Variants in PTPRC observed in about 807,000 individuals in gnomAD.
PTPRC encodes receptor-type tyrosine-protein phosphatase C.
PTPRC carries 44 observed loss-of-function variants against 155.9 expected under a neutral mutation model. That is an observed-to-expected ratio of 0.28 (90% CI 0.22 to 0.36). The LOEUF (loss-of-function observed/expected upper bound fraction) is 0.36, where lower values mean the gene tolerates loss of function less well. PTPRC is among the 10% of genes least tolerant of loss of function. The probability of loss-of-function intolerance (pLI) is 1.00; values close to 1 mark genes in which losing one functional copy is unlikely to be tolerated. For missense variants in PTPRC, 1,401 were observed against 1,564.6 expected (o/e 0.90, Z 1.76); for synonymous variants, 525 against 533.1 (o/e 0.98, Z 0.21).
chr1:198,715,191 CG>C (rs1301831861), intron 12 of PTPRC, among the ~76,000 whole-genome samples: 2 of 152,012 alleles, frequency 1.3e-5, no homozygotes, highest in Non-Finnish European at 2.9e-5. Context: ...CATGCGATCT[CG>C]GCTCACTGCA....
At chr1:198,684,726 T>C (rs1665523961) in intron 2 of PTPRC, among the ~76,000 whole-genome samples, 2 of 152,002 alleles carry the variant, frequency 1.3e-5, no homozygotes, top group African/African-American at 4.8e-5. Flanking sequence ...GATCTTGAGA[T>C]GTTGCTTTTT....
chr1:198,708,075 G>A, intron 9 of PTPRC, 58 bp from the exon 10 acceptor site: 3 of 1,494,214 alleles, frequency 2.0e-6, no homozygotes, highest in Non-Finnish European at 2.8e-6. Flanking sequence ...AATGAATGAG[G>A]GCTTAGGATA....
rs79970067 is a variant in PTPRC, at chr1:198,745,052, C to T, written c.2847+849C>T. Reference sequence around the variant, plus strand: ...GTTTTATTGTTGTTTTCTTGCTTTTCTAGCTGATAAATTAACCTTATTCAA... The same window carrying T: ...GTTTTATTGTTGTTTTCTTGCTTTTTTAGCTGATAAATTAACCTTATTCAA... On this transcript the variant is annotated intron_variant, in intron 26 of 32. Transcript: ENST00000442510. Among the ~76,000 whole-genome samples, 555 of 151,952 alleles carry T rather than the reference C, an allele frequency of 3.7e-3. 6 individuals carry two copies. The highest frequency in any genetic ancestry group is 0.012 in the African/African-American group (513 of 41,512).
At chr1:198,743,927 T>A (rs1031198639) in intron 25 of PTPRC, 127 bp from the exon 26 acceptor site, 1 of 871,014 alleles carries the variant, frequency 1.1e-6, no homozygotes, top group Non-Finnish European at 1.8e-6. Context: ...ATTATAGATA[T>A]CAATTTACTT....
chr1:198,727,643 G>A (rs901725716), intron 15 of PTPRC, among the ~76,000 whole-genome samples: 7 of 152,038 alleles, frequency 4.6e-5, no homozygotes, highest in Non-Finnish European at 7.4e-5. Flanking sequence ...CTAAGCAGTC[G>A]GGCTCTGGAG....
At chr1:198,752,896 G>A in intron 31 of PTPRC, 124 bp downstream of exon 31, 3 of 1,000,400 alleles carry the variant, frequency 3.0e-6, no homozygotes, top group Non-Finnish European at 4.6e-6. Flanking sequence ...TTCTTATGGA[G>A]TCGGTCACTC....
chr1:198,642,708 T>A (rs1662664396), intron 2 of PTPRC, among the ~76,000 whole-genome samples: 1 of 151,972 alleles, frequency 6.6e-6, no homozygotes, highest in African/African-American at 2.4e-5. Flanking sequence ...ATAGTTTTTT[T>A]AATCAGTCTG....
At position 198,652,568 on chromosome 1, in the gene PTPRC, C is replaced by T. The variant is rs1346098812; in HGVS notation, c.73+13227C>T. Among the ~76,000 whole-genome samples, 18 of 146,238 alleles carry T rather than the reference C, an allele frequency of 1.2e-4. No individual in the cohort carries two copies. The South Asian group carries it at 3.0e-3, about 24-fold the overall frequency. On this transcript the variant is annotated intron_variant, in intron 2 of 32. Coordinates refer to ENST00000442510, the MANE Select transcript of PTPRC (RefSeq NM_002838.5). ...TCCAATTACGTAAACAAATATTACC[C>T]TTTTTTTTTTTTGGTCATTGTTTCA...
At chr1:198,696,128 C>T (rs1666189318) in intron 3 of PTPRC, among the ~76,000 whole-genome samples, 1 of 150,762 alleles carries the variant, frequency 6.6e-6, no homozygotes, top group African/African-American at 2.4e-5. Flanking sequence ...CCACTGCACT[C>T]CAGCCTGGTG....
upstream of PTPRC, chr1:198,638,987 C>G: frequency 2.5e-6 from 1 of 397,610 alleles, no homozygotes; most frequent in Non-Finnish European, 4.6e-6. Context: ...TTTTTGACTT[C>G]CTGCAAAGAG....
Position 198,757,017 on chromosome 1 carries a change from G to C in PTPRC, c.*836G>C, listed in dbSNP as rs1306692612. The C allele has an allele frequency of 6.6e-6, 1 of 151,776 alleles. No individual in the cohort carries two copies. Among genetic ancestry groups the C allele is most frequent in the Non-Finnish European group, 1.5e-5 (1 of 67,816 alleles). 9.4% of individuals were successfully genotyped at this position (151,776 alleles called of 1,614,324 possible). On this transcript the variant is annotated 3_prime_UTR_variant, in exon 33 of 33. Coordinates refer to ENST00000442510, the MANE Select transcript of PTPRC (RefSeq NM_002838.5). ...TCATTAAAATAAATAAATGCAATAT[G>C]TATTAATATTCATTGTATAAAAATA...
chr1:198,639,622 A>C (rs2102161674), intron 2 of PTPRC, among the ~76,000 whole-genome samples: 1 of 152,246 alleles, frequency 6.6e-6, no homozygotes, highest in Admixed American at 6.5e-5. Context: ...ATATTACAAA[A>C]GCAACATTAT....
chr1:198,756,662 C>T lies in PTPRC; in HGVS notation c.*481C>T, dbSNP rs1461445565. The T allele has an allele frequency of 6.0e-6, 1 of 165,624 alleles. No homozygotes were observed. The highest frequency in any genetic ancestry group is 1.7e-4 in the East Asian group (1 of 5,736). The allele number at this position is 165,624 out of a possible 1,614,324, so 10.3% of individuals were successfully genotyped here. ...ATTTCTGAAATGACCTCAAGATGTC[C>T]TCCTTGTTCTACTCATATATATCTA... On this transcript the variant is annotated 3_prime_UTR_variant, in exon 33 of 33. Coordinates refer to ENST00000442510, the MANE Select transcript of PTPRC (RefSeq NM_002838.5).
At chr1:198,685,070 T>A (rs12062116) in intron 2 of PTPRC, among the ~76,000 whole-genome samples, 2,548 of 152,152 alleles carry the variant, frequency 0.017, 68 homozygotes, top group African/African-American at 0.058. Context: ...TCAAATGAAC[T>A]GCATGTCAAT....
chr1:198,707,983 A>T, intron 9 of PTPRC, 150 bp from the exon 10 acceptor site: 1 of 611,880 alleles, frequency 1.6e-6, no homozygotes, highest in South Asian at 2.2e-5. Flanking sequence ...TAGAGTTATT[A>T]GACTTTTCCC....
rs1283166159 is a variant in PTPRC at position 198,706,730 on chromosome 1, T to G, written c.686-4T>G. ...ATAACACTCAATGTTCTATTTTCTT[T>G]TAGATGAAAAATATGCAAACATCAC... On this transcript the variant is annotated splice_polypyrimidine_tract_variant and splice_region_variant and intron_variant, in intron 8 of 32. Coordinates refer to ENST00000442510, the MANE Select transcript of PTPRC (RefSeq NM_002838.5). 2 of 1,605,866 alleles carry G rather than the reference T, an allele frequency of 1.2e-6. No homozygotes were observed. The highest frequency in any genetic ancestry group is 2.7e-5 in the African/African-American group (2 of 74,682).
intron 2 of PTPRC, among the ~76,000 whole-genome samples, chr1:198,663,952 T>C (rs1371681464): frequency 6.6e-6 from 1 of 152,142 alleles, no homozygotes; most frequent in Non-Finnish European, 1.5e-5. Flanking sequence ...TTTTTCTATA[T>C]TAATAATCAT....
At chr1:198,653,458 A>T (rs1663369330) in intron 2 of PTPRC, among the ~76,000 whole-genome samples, 1 of 151,922 alleles carries the variant, frequency 6.6e-6, no homozygotes, top group African/African-American at 2.4e-5. Flanking sequence ...AAAAAACAAG[A>T]AATGATTCAC....
chr1:198,692,555 A>G, intron 3 of PTPRC, 182 bp downstream of exon 3: 1 of 1,071,750 alleles, frequency 9.3e-7, no homozygotes, highest in Non-Finnish European at 1.2e-6. Flanking sequence ...GAGTTTAATA[A>G]CTACCTAAAC....
Sources: allele counts gnomAD v4.1 joint callset (sites outside exome capture counted in the v4.1 genomes callset), GRCh38; gene constraint gnomAD v4.1.1; transcripts MANE v1.5; gene names NCBI Gene and HGNC (gene_info 2026-07-23, HGNC 2026-07-21).